Variants in MYO18B observed in about 807,000 individuals in gnomAD.
The protein encoded by MYO18B is unconventional myosin-XVIIIb.
MYO18B carries 204 observed loss-of-function variants against 273.0 expected under a neutral mutation model. The ratio of observed to expected loss-of-function variants is 0.75; its 90% CI spans 0.67 to 0.84. MYO18B has a LOEUF of 0.84. Ranked by LOEUF, MYO18B falls within the 40% of genes least tolerant of loss-of-function variation. The pLI is 0.00. For synonymous variants in MYO18B, 1,330 were observed against 1,305.7 expected, an observed-to-expected ratio of 1.02 and a Z score of -0.40; for missense variants, 3,212 against 3,287.6, an observed-to-expected ratio of 0.98 and a Z score of 0.56.
In MYO18B at chr22:25,777,744, G is replaced by C. The variant is rs1395654235; in HGVS notation, c.2031G>C (p.Leu677=). ...GCTGTGAGCAGGTCCTGGAACACCT[G>C]GTGGGGATGGCAGGCAGTGTGGATG... is the stretch of plus-strand genomic sequence containing the variant. ...TTCCEQVLEH[L]VGMAGSVDGR... The change falls in exon 8 of 44, where the codon CTG becomes CTC. Residue 677 remains leucine, a synonymous_variant. Transcript: ENST00000335473. The C allele has an allele frequency of 1.2e-6, 2 of 1,607,552 alleles. No individual in the cohort carries two copies. Among genetic ancestry groups the C allele is most frequent in the Non-Finnish European group, 1.7e-6 (2 of 1,176,770 alleles).
intron 37 of MYO18B, among the ~76,000 whole-genome samples, chr22:25,950,840 G>A (rs2092784838): frequency 6.6e-6 from 1 of 152,126 alleles, no homozygotes. Flanking sequence ...CCAAAGTGCT[G>A]GGATTATAGG....
At chr22:25,873,598 G>A (rs571873649) in intron 22 of MYO18B, among the ~76,000 whole-genome samples, 2 of 152,262 alleles carry the variant, frequency 1.3e-5, no homozygotes, top group Admixed American at 1.3e-4. Flanking sequence ...TCGCCACCAC[G>A]CTTGGCTAAT....
At chr22:26,032,116 A>C (rs1277474700), downstream of MYO18B, among the ~76,000 whole-genome samples, 3 of 152,218 alleles carry the variant, frequency 2.0e-5, no homozygotes, top group Non-Finnish European at 4.4e-5. Flanking sequence ...GTCTTAGCCA[A>C]GTCACTTCCC....
intron 27 of MYO18B, among the ~76,000 whole-genome samples, chr22:25,894,095 A>G (rs996146058): frequency 6.6e-6 from 1 of 152,248 alleles, no homozygotes; most frequent in Non-Finnish European, 1.5e-5. Flanking sequence ...AGCATATTCT[A>G]GGAACACAAT....
intron 31 of MYO18B, among the ~76,000 whole-genome samples, chr22:25,907,527 T>C (rs2092069096): frequency 6.6e-6 from 1 of 152,250 alleles, no homozygotes. Context: ...ATTCTCATAG[T>C]AGCATTCTAA....
At chr22:25,942,885 G>A (rs556444255) in intron 34 of MYO18B, among the ~76,000 whole-genome samples, 74 of 152,058 alleles carry the variant, frequency 4.9e-4, no homozygotes, top group African/African-American at 1.5e-3. Flanking sequence ...GGGATAAGTC[G>A]TCCCTCTCTC....
chr22:25,954,313 G>A (rs943123788), intron 38 of MYO18B, among the ~76,000 whole-genome samples: 2 of 152,118 alleles, frequency 1.3e-5, no homozygotes, highest in African/African-American at 4.8e-5. Flanking sequence ...TGAGGCTCAT[G>A]AGAAATTATC....
At chr22:25,926,134 G>T (rs548974925) in intron 34 of MYO18B, among the ~76,000 whole-genome samples, 6 of 152,040 alleles carry the variant, frequency 3.9e-5, no homozygotes, top group Admixed American at 2.6e-4. Flanking sequence ...GAACCTAGGA[G>T]GTGGAGCTTG....
At chr22:25,887,446 C>T (rs1159699627) in intron 25 of MYO18B, among the ~76,000 whole-genome samples, 1 of 152,150 alleles carries the variant, frequency 6.6e-6, no homozygotes, top group African/African-American at 2.4e-5. Context: ...TTCCTGTCCC[C>T]TTCTCTCTGG....
intron 22 of MYO18B, among the ~76,000 whole-genome samples, chr22:25,870,510 G>T (rs1360234426): frequency 6.6e-6 from 1 of 152,202 alleles, no homozygotes; most frequent in African/African-American, 2.4e-5. Flanking sequence ...GTATTATAAT[G>T]TTATGGGCTC....
At chr22:25,976,018 C>G (rs1234964935) in intron 39 of MYO18B, among the ~76,000 whole-genome samples, 2 of 152,176 alleles carry the variant, frequency 1.3e-5, no homozygotes, top group African/African-American at 4.8e-5. Context: ...ACCCTTATGC[C>G]TGTAGCTTGA....
the MYO18B span, among the ~76,000 whole-genome samples, chr22:26,045,621 G>A: frequency 2.0e-5 from 3 of 152,222 alleles, no homozygotes; most frequent in South Asian, 6.2e-4. Flanking sequence ...CATTATCCGA[G>A]GGCTGCACCC....
chr22:25,968,297 G>A (rs148543447), intron 39 of MYO18B, among the ~76,000 whole-genome samples: 3 of 152,320 alleles, frequency 2.0e-5, no homozygotes, highest in Non-Finnish European at 4.4e-5. Context: ...GAATCCAGGA[G>A]TAGAGTCAGC....
chr22:25,968,639 T>C (rs758994535), intron 39 of MYO18B, among the ~76,000 whole-genome samples: 4 of 152,062 alleles, frequency 2.6e-5, no homozygotes, highest in Admixed American at 1.3e-4. Context: ...GTGGACAGCC[T>C]AAATTCCCTT....
intron 34 of MYO18B, among the ~76,000 whole-genome samples, chr22:25,929,121 C>T (rs1229584746): frequency 7.2e-6 from 1 of 138,870 alleles, no homozygotes; most frequent in Non-Finnish European, 1.5e-5. Context: ...AAGATCACAC[C>T]ATTACACTCC....
intron 34 of MYO18B, among the ~76,000 whole-genome samples, chr22:25,938,037 G>A (rs1481806985): frequency 6.6e-6 from 1 of 152,164 alleles, no homozygotes; most frequent in Non-Finnish European, 1.5e-5. Flanking sequence ...GGGATGTGTT[G>A]AGAATAGCCT....
chr22:25,846,225 C>T lies in MYO18B; in HGVS notation c.3494C>T (p.Ala1165Val). Reference sequence around the variant, plus strand: ...AGCCGCATGGTGAGGAGGACCTTTGCCAGCAGCCTTGCCGCGGTGAGGAGG... The same window carrying T: ...AGCCGCATGGTGAGGAGGACCTTTGTCAGCAGCCTTGCCGCGGTGAGGAGG... ...QRSRMVRRTF[A>V]SSLAAVRRKA... The change falls in exon 19 of 44, where the codon GCC (alanine) becomes GTC (valine). Residue 1165 changes from alanine to valine, a missense_variant. Coordinates refer to ENST00000335473, the MANE Select transcript of MYO18B (RefSeq NM_032608.7). The T allele has an allele frequency of 6.2e-7, 1 of 1,612,484 alleles. No individual in the cohort carries two copies. Among genetic ancestry groups the T allele is most frequent in the Non-Finnish European group, 8.5e-7 (1 of 1,179,828 alleles).
At chr22:26,060,896 C>CACATACACAAACAT in the MYO18B span, among the ~76,000 whole-genome samples, 2 of 103,972 alleles carry the variant, frequency 1.9e-5, no homozygotes, top group Admixed American at 8.7e-5. Context: ...CACATATACA[C>CACATACACAAACAT]ACATATACAC....
intron 38 of MYO18B, among the ~76,000 whole-genome samples, chr22:25,953,794 T>C (rs1219595811): frequency 6.6e-6 from 1 of 152,238 alleles, no homozygotes; most frequent in Non-Finnish European, 1.5e-5. Context: ...GGAAAAATTC[T>C]ATCTCCAAAT....
Sources: allele counts gnomAD v4.1 joint callset (sites outside exome capture counted in the v4.1 genomes callset), GRCh38; gene constraint gnomAD v4.1.1; transcripts MANE v1.5; gene names NCBI Gene and HGNC (gene_info 2026-07-23, HGNC 2026-07-21).